ATP11A: variants seen among roughly 807,000 people sequenced by gnomAD.
ATP11A encodes ATPase phospholipid transporting 11A.
ATP11A carries 81 observed loss-of-function variants against 154.4 expected under a neutral mutation model. That is an observed-to-expected ratio of 0.52 (90% CI 0.44 to 0.63). ATP11A has a LOEUF of 0.63. ATP11A is among the 30% of genes least tolerant of loss of function. The probability of loss-of-function intolerance (pLI) is 0.00; values close to 1 mark genes in which losing one functional copy is unlikely to be tolerated. For missense variants in ATP11A, 1,316 were observed against 1,474.3 expected (o/e 0.89, Z 1.76); for synonymous variants, 623 against 585.9 (o/e 1.06, Z -0.91).
chr13:112,762,872 G>A (rs1168037708), intron 1 of ATP11A, among the ~76,000 whole-genome samples: 1 of 152,258 alleles, frequency 6.6e-6, no homozygotes. Flanking sequence ...CGGGAGCACA[G>A]GCCTTCCTCG....
At chr13:112,819,437 C>T (rs760841570) in intron 7 of ATP11A, 30 bp downstream of exon 7, 7 of 1,605,190 alleles carry the variant, frequency 4.4e-6, no homozygotes, top group Admixed American at 1.7e-5. Context: ...TCTTTAGAAA[C>T]GGTTTTTTAT....
intron 15 of ATP11A, 70 bp downstream of exon 15, chr13:112,834,730 G>A (rs955671641): frequency 2.2e-5 from 29 of 1,314,198 alleles, no homozygotes; most frequent in South Asian, 7.4e-5. Context: ...AAGGTTCTGC[G>A]TTTGAGGGAA....
rs1021659486 is a variant in ATP11A, at chr13:112,881,679, G to C, written c.*10-197G>C. ...ATCCCGCCCGGCCTGCCCTCAGGAC[G>C]AGGGTGTGTCCTGAGTTGAGTCTAG... On this transcript the variant is annotated intron_variant, in intron 29 of 29. Transcript: ENST00000375645. The C allele has an allele frequency of 3.8e-5, 47 of 1,242,194 alleles. 1 individual carries two copies. In the South Asian group the frequency reaches 6.6e-4, roughly 17 times the overall value. The allele number at this position is 1,242,194 out of a possible 1,614,324, so 76.9% of individuals were successfully genotyped here.
At chr13:112,831,078 A>G (rs2079071073) in intron 12 of ATP11A, among the ~76,000 whole-genome samples, 1 of 152,164 alleles carries the variant, frequency 6.6e-6, no homozygotes, top group Non-Finnish European at 1.5e-5. Flanking sequence ...GAATGGGACT[A>G]TGAGACCATA....
chr13:112,728,198 T>C lies in ATP11A; in HGVS notation c.39+37743T>C, dbSNP rs147737040. 3.9e-3 allele frequency among the ~76,000 whole-genome samples: 601 copies of C among 152,282 alleles called. 4 individuals carry two copies. The highest frequency in any genetic ancestry group is 0.014 in the African/African-American group (566 of 41,566). On this transcript the variant is annotated intron_variant, in intron 1 of 29. Transcript: ENST00000375645. Reference sequence around the variant, plus strand: ...TAATTTACAAAGCCAGTCACTGACCTTTACCCAGATAACTGGACTGGTGGA... The same window carrying C: ...TAATTTACAAAGCCAGTCACTGACCCTTACCCAGATAACTGGACTGGTGGA...
At chr13:112,739,166 A>G (rs1461432551) in intron 1 of ATP11A, among the ~76,000 whole-genome samples, 1 of 152,234 alleles carries the variant, frequency 6.6e-6, no homozygotes, top group Non-Finnish European at 1.5e-5. Context: ...AAAGGACACC[A>G]TTACGAAAGT....
intron 1 of ATP11A, among the ~76,000 whole-genome samples, chr13:112,718,057 C>G (rs965480023): frequency 4.6e-5 from 7 of 152,232 alleles, no homozygotes; most frequent in African/African-American, 1.7e-4. Flanking sequence ...GCCTGAGTGA[C>G]AAGAGGGAAA....
chr13:112,752,497 G>A (rs1052582391), intron 1 of ATP11A, among the ~76,000 whole-genome samples: 4 of 152,228 alleles, frequency 2.6e-5, no homozygotes, highest in South Asian at 2.1e-4. Context: ...TGTGCGGAGC[G>A]GGCTGTGAGG....
chr13:112,745,222 G>A (rs1420993169), intron 1 of ATP11A, among the ~76,000 whole-genome samples: 3 of 152,094 alleles, frequency 2.0e-5, no homozygotes, highest in Non-Finnish European at 2.9e-5. Context: ...CCGCTACCAC[G>A]CCTGGCTAAT....
intron 2 of ATP11A, among the ~76,000 whole-genome samples, chr13:112,803,673 C>T (rs1175282165): frequency 6.7e-6 from 1 of 150,038 alleles, no homozygotes. Flanking sequence ...GGTGGCTGGG[C>T]ATTCTCCCTC....
At chr13:112,834,069 G>A (rs549287628) in intron 14 of ATP11A, among the ~76,000 whole-genome samples, 64 of 152,328 alleles carry the variant, frequency 4.2e-4, no homozygotes, top group African/African-American at 1.3e-3. Context: ...CCTGAAGGTC[G>A]CTGACCCCCA....
chr13:112,721,334 C>T (rs1168716755), intron 1 of ATP11A, among the ~76,000 whole-genome samples: 2 of 152,194 alleles, frequency 1.3e-5, no homozygotes, highest in Admixed American at 6.5e-5. Context: ...ACAAATGTTA[C>T]GGGAAAGAAG....
chr13:112,707,351 G>A (rs1887252281), intron 1 of ATP11A, among the ~76,000 whole-genome samples: 1 of 150,796 alleles, frequency 6.6e-6, no homozygotes, highest in African/African-American at 2.4e-5. Context: ...GGAGACAGAG[G>A]TTGCAGTGAG....
intron 25 of ATP11A, among the ~76,000 whole-genome samples, chr13:112,870,345 T>C (rs1334058724): frequency 2.0e-5 from 3 of 152,152 alleles, no homozygotes. Context: ...GTGTGTTGTT[T>C]TGGTTGAAAC....
chr13:112,719,346 C>G (rs1376990955), intron 1 of ATP11A, among the ~76,000 whole-genome samples: 1 of 152,210 alleles, frequency 6.6e-6, no homozygotes, highest in Non-Finnish European at 1.5e-5. Flanking sequence ...TATATTCTCA[C>G]GTAATCTTCA....
intron 1 of ATP11A, among the ~76,000 whole-genome samples, chr13:112,778,693 T>C (rs2077411153): frequency 8.7e-6 from 1 of 114,432 alleles, no homozygotes; most frequent in African/African-American, 3.7e-5. Context: ...GAGTAGCCGC[T>C]GGAGTGAGGA....
intron 1 of ATP11A, among the ~76,000 whole-genome samples, chr13:112,715,140 C>T (rs1341030181): frequency 3.3e-5 from 5 of 152,184 alleles, no homozygotes; most frequent in Admixed American, 3.3e-4. Context: ...TTTGCTCACA[C>T]ATTCACCTGT....
chr13:112,765,829 A>G (rs1292467989), intron 1 of ATP11A, among the ~76,000 whole-genome samples: 1 of 152,236 alleles, frequency 6.6e-6, no homozygotes, highest in Non-Finnish European at 1.5e-5. Context: ...TAGTAAACCA[A>G]CAATACAAAC....
chr13:112,829,524 C>A (rs2079034223), intron 12 of ATP11A, among the ~76,000 whole-genome samples: 1 of 152,164 alleles, frequency 6.6e-6, no homozygotes, highest in South Asian at 2.1e-4. Flanking sequence ...TTCATAACAT[C>A]TCTCAACAAA....
Sources: allele counts gnomAD v4.1 joint callset (sites outside exome capture counted in the v4.1 genomes callset), GRCh38; gene constraint gnomAD v4.1.1; transcripts MANE v1.5; gene names NCBI Gene and HGNC (gene_info 2026-07-23, HGNC 2026-07-21).